VRK1: variants seen among roughly 807,000 people sequenced by gnomAD.
VRK1 encodes VRK serine/threonine kinase 1, also known as serine/threonine-protein kinase VRK1.
Under a neutral mutation model 57.1 loss-of-function variants are expected in VRK1, and 33 were observed. The ratio of observed to expected loss-of-function variants is 0.58; its 90% CI spans 0.44 to 0.77. VRK1 has a LOEUF of 0.77. Ranked by LOEUF, VRK1 falls within the 30% of genes least tolerant of loss-of-function variation. VRK1 has a pLI of 0.00. For missense variants in VRK1, 413 were observed against 477.3 expected, an observed-to-expected ratio of 0.87 and a Z score of 1.25; for synonymous variants, 137 against 147.8, an observed-to-expected ratio of 0.93 and a Z score of 0.53.
intron 10 of VRK1, among the ~76,000 whole-genome samples, chr14:96,859,397 C>T (rs933034949): frequency 6.6e-6 from 1 of 152,158 alleles, no homozygotes. Flanking sequence ...TAAAAGTACA[C>T]ATAACTATTC....
chr14:96,847,420 T>C (rs1169550402), intron 5 of VRK1, 76 bp downstream of exon 5: 1 of 1,165,374 alleles, frequency 8.6e-7, no homozygotes, highest in African/African-American at 1.5e-5. Context: ...TCAGTAATTA[T>C]TTACTGATCA....
chr14:96,856,378 G>A, intron 9 of VRK1, 128 bp downstream of exon 9: 1 of 1,387,222 alleles, frequency 7.2e-7, no homozygotes, highest in Non-Finnish European at 9.9e-7. Flanking sequence ...TTGTTAAACA[G>A]TAAGGTTCCT....
intron 3 of VRK1, among the ~76,000 whole-genome samples, chr14:96,838,458 C>T (rs951154221): frequency 1.3e-5 from 2 of 152,126 alleles, no homozygotes; most frequent in Non-Finnish European, 2.9e-5. Flanking sequence ...ATTTGTTACT[C>T]CCCTTCTTCA....
chr14:96,808,023 G>GCCCTCTCCC (rs1885971912), intron 1 of VRK1, among the ~76,000 whole-genome samples: 1 of 34,188 alleles, frequency 2.9e-5, no homozygotes, highest in African/African-American at 8.2e-5. Context: ...CCCTCTGTGT[G>GCCCTCTCCC]TGTGTGTGTG....
At chr14:96,802,817 C>T (rs959190070) in intron 1 of VRK1, among the ~76,000 whole-genome samples, 13 of 152,292 alleles carry the variant, frequency 8.5e-5, no homozygotes, top group African/African-American at 2.9e-4. Flanking sequence ...TAACCATTTA[C>T]CCATGGAAGG....
At chr14:96,828,433 T>C (rs1041948163) in intron 1 of VRK1, among the ~76,000 whole-genome samples, 3 of 152,200 alleles carry the variant, frequency 2.0e-5, no homozygotes, top group African/African-American at 7.2e-5. Context: ...TTAAACTCCT[T>C]AGATTGTGGT....
chr14:96,833,856 A>T (rs1887110084), intron 2 of VRK1, among the ~76,000 whole-genome samples: 1 of 152,194 alleles, frequency 6.6e-6, no homozygotes, highest in African/African-American at 2.4e-5. Flanking sequence ...ATTAGTGAGC[A>T]CTAGGACTTT....
chr14:96,855,195 A>T, intron 7 of VRK1, 29 bp from the exon 8 acceptor site: 6 of 1,613,744 alleles, frequency 3.7e-6, no homozygotes, highest in Non-Finnish European at 4.2e-6. Flanking sequence ...TTTTGACTTT[A>T]GTTTGTCTTG....
rs1473194622 is a variant in VRK1 at position 96,881,433 on chromosome 14, A to G, written c.*225A>G. The G allele has an allele frequency of 4.3e-6, 2 of 462,794 alleles. No individual in the cohort carries two copies. Among genetic ancestry groups the G allele is most frequent in the Non-Finnish European group, 7.6e-6 (2 of 263,818 alleles). The allele number at this position is 462,794 out of a possible 1,614,324, so 28.7% of individuals were successfully genotyped here. A position where few individuals can be genotyped will look rare whatever the true frequency, so the allele number is the denominator to read the frequency against. On this transcript the variant is annotated 3_prime_UTR_variant, in exon 13 of 13. Transcript: ENST00000216639. The stretch of plus-strand genomic sequence containing the variant: ...ATCTTCAGGTTATACTCCTTAAGTT[A>G]TCCCAAAGCCGTGTGTTTGTGATGT...
intron 3 of VRK1, among the ~76,000 whole-genome samples, chr14:96,845,218 T>TTA (rs11436802): frequency 2.0e-5 from 3 of 151,778 alleles, no homozygotes; most frequent in South Asian, 2.1e-4. Context: ...AAACTTTTTT[T>TTA]AATTCCCAAT....
chr14:96,877,360 T>G, intron 12 of VRK1: 59 of 448,384 alleles, frequency 1.3e-4, no homozygotes, highest in Non-Finnish European at 2.2e-4. Flanking sequence ...AAAGAATACT[T>G]GAGATACCTG....
intron 5 of VRK1, among the ~76,000 whole-genome samples, chr14:96,849,158 G>C (rs1038424975): frequency 1.3e-5 from 2 of 152,202 alleles, no homozygotes; most frequent in Non-Finnish European, 2.9e-5. Flanking sequence ...TTGAGCAAGG[G>C]ATGAGGTGAC....
chr14:96,846,805 A>G (rs1306530256), intron 4 of VRK1, among the ~76,000 whole-genome samples: 2 of 152,082 alleles, frequency 1.3e-5, no homozygotes, highest in Non-Finnish European at 2.9e-5. Context: ...TTGACATAGC[A>G]TTTACATTGT....
chr14:96,866,840 CTTAA>C (rs1888606612), intron 11 of VRK1, among the ~76,000 whole-genome samples: 1 of 152,134 alleles, frequency 6.6e-6, no homozygotes, highest in African/African-American at 2.4e-5. Context: ...TGAAATATTT[CTTAA>C]TTGTTATTTT....
At chr14:96,811,663 G>A (rs1179684569) in intron 1 of VRK1, among the ~76,000 whole-genome samples, 7 of 152,134 alleles carry the variant, frequency 4.6e-5, no homozygotes, top group African/African-American at 1.7e-4. Flanking sequence ...GCTTTGAGGT[G>A]CTTTTAACCC....
At chr14:96,834,312 A>G (rs1484664187) in intron 2 of VRK1, among the ~76,000 whole-genome samples, 1 of 152,120 alleles carries the variant, frequency 6.6e-6, no homozygotes, top group East Asian at 1.9e-4. Flanking sequence ...ATCTCAGATT[A>G]ATTAATTAAT....
At chr14:96,841,290 T>G (rs935069176) in intron 3 of VRK1, among the ~76,000 whole-genome samples, 1 of 152,240 alleles carries the variant, frequency 6.6e-6, no homozygotes, top group Non-Finnish European at 1.5e-5. Flanking sequence ...TTACTTTTAC[T>G]GCCTTTTTAA....
intron 11 of VRK1, among the ~76,000 whole-genome samples, chr14:96,864,269 A>G (rs1406239862): frequency 6.6e-6 from 1 of 152,230 alleles, no homozygotes; most frequent in Non-Finnish European, 1.5e-5. Flanking sequence ...ATAGAAAAGT[A>G]CATGAATAAG....
chr14:96,881,101 G>A (rs1889241656), intron 12 of VRK1, 76 bp from the exon 13 acceptor site: 1 of 1,204,742 alleles, frequency 8.3e-7, no homozygotes, highest in African/African-American at 1.5e-5. Context: ...CTATATTTAG[G>A]GATATTTATA....
Sources: allele counts gnomAD v4.1 joint callset (sites outside exome capture counted in the v4.1 genomes callset), GRCh38; gene constraint gnomAD v4.1.1; transcripts MANE v1.5; gene names NCBI Gene and HGNC (gene_info 2026-07-23, HGNC 2026-07-21).